The following ANKRD60 variants were observed in gnomAD, a reference collection of about 807,000 sequenced individuals.
ANKRD60 encodes ankyrin repeat domain-containing protein 60.
ANKRD60 carries 24 observed loss-of-function variants against 21.3 expected under a neutral mutation model. That is an observed-to-expected ratio of 1.13 (90% CI 0.82 to 1.59). The LOEUF is 1.59. Ranked by LOEUF, ANKRD60 falls within the 40% of genes most tolerant of loss-of-function variation. The pLI is 0.00. For missense variants in ANKRD60, 490 were observed against 466.7 expected (o/e 1.05, Z -0.46); for synonymous variants, 182 against 199.4 (o/e 0.91, Z 0.74).
exon 4 of ANKRD60, chr20:58,218,699 G>A (rs1318850109): frequency 6.4e-7 from 1 of 1,551,748 alleles, no homozygotes; most frequent in African/African-American, 1.4e-5. Context: ...TGTCGTGGAT[G>A]GAGGCCCCGT....
chr20:58,217,887 G>A (rs888643356), downstream of ANKRD60, among the ~76,000 whole-genome samples: 28 of 152,144 alleles, frequency 1.8e-4, no homozygotes, highest in African/African-American at 6.0e-4. Context: ...TAGCACCAAC[G>A]TGTTACCTTT....
Position 58,228,603 on chromosome 20 carries a change from G to T in ANKRD60, c.51C>A (p.Gly17=), listed in dbSNP as rs1387243973. The T allele has an allele frequency of 1.9e-6, 2 of 1,043,836 alleles. No individual in the cohort carries two copies. Among genetic ancestry groups the T allele is most frequent in the Non-Finnish European group, 2.3e-6 (2 of 865,948 alleles). 64.7% of individuals were successfully genotyped at this position (1,043,836 alleles called of 1,614,324 possible). A position where few individuals can be genotyped will look rare whatever the true frequency, so the allele number is the denominator to read the frequency against. ...CAGTTGGCCCCGCCGCCCGCGCTCC[G>T]CCCGCCCCCGCCGCCGCCCGCCGCA... The change falls in exon 1 of 4, where the codon GGC becomes GGA. Residue 17 remains glycine, a synonymous_variant. Transcript: ENST00000457363. This position sits in a 1 kb window ranked among gnomAD's most constrained non-coding sequence, Gnocchi z 5.3.
chr20:58,221,808 A>G (rs1199321386), intron 2 of ANKRD60, among the ~76,000 whole-genome samples: 1 of 152,156 alleles, frequency 6.6e-6, no homozygotes, highest in Non-Finnish European at 1.5e-5. Context: ...TGTCCACAGG[A>G]AGGTGGTTGA....
rs1472540031 is a variant in ANKRD60 at position 58,218,510 on chromosome 20, C to T, written c.1023G>A (p.Thr341=). 5.2e-6 allele frequency: 8 copies of T among 1,550,812 alleles called. No homozygotes were observed. The Admixed American group carries it at 7.8e-5, about 15-fold the overall frequency. ...CCACCAGGAGCTAATGAGGGGTCAT[C>T]GTCATCTTCTCAGACCTAAACCCAG... The change falls in exon 4 of 4, where the codon ACG becomes ACA. Residue 341 remains threonine, a synonymous_variant. Transcript: ENST00000457363.
chr20:58,218,665 T>C, exon 4 of ANKRD60: 1 of 1,551,748 alleles, frequency 6.4e-7, no homozygotes, highest in Non-Finnish European at 8.7e-7. Context: ...GCAATGGAGA[T>C]GGGGGTCTCC....
exon 4 of ANKRD60, chr20:58,218,778 A>G (rs1984186450): frequency 2.7e-5 from 41 of 1,544,402 alleles, no homozygotes; most frequent in Non-Finnish European, 3.3e-5. Context: ...TGTCCTGCCC[A>G]GGGGGGATCT....
At chr20:58,220,312 T>C (rs552162285) in intron 3 of ANKRD60, among the ~76,000 whole-genome samples, 10 of 152,212 alleles carry the variant, frequency 6.6e-5, no homozygotes, top group Non-Finnish European at 1.3e-4. Context: ...TTAACAGCTG[T>C]TCTCCATTGT....
At chr20:58,223,054 T>C in exon 2 of ANKRD60, 12 of 1,546,268 alleles carry the variant, frequency 7.8e-6, no homozygotes, top group Non-Finnish European at 1.0e-5. Flanking sequence ...GAAAACACCT[T>C]GCTGGGATCC....
intron 1 of ANKRD60, among the ~76,000 whole-genome samples, chr20:58,226,234 A>T (rs144057614): frequency 2.5e-3 from 376 of 152,242 alleles, no homozygotes; most frequent in South Asian, 5.4e-3. Context: ...TGGGGTTCTG[A>T]TTAAAGTAAG....
intron 3 of ANKRD60, 124 bp from the exon 4 acceptor site, chr20:58,218,929 CT>C: frequency 1.2e-6 from 1 of 853,610 alleles, no homozygotes; most frequent in Admixed American, 2.9e-5. Context: ...CAGTACTGCC[CT>C]GCCCCCAGTC....
intron 1 of ANKRD60, among the ~76,000 whole-genome samples, chr20:58,223,709 AC>A (rs774335078): frequency 1.3e-5 from 2 of 152,024 alleles, no homozygotes. Context: ...AGACTGGGTA[AC>A]TCCTTGTGGC....
At chr20:58,217,778 T>A (rs78701100), downstream of ANKRD60, among the ~76,000 whole-genome samples, 18 of 152,126 alleles carry the variant, frequency 1.2e-4, no homozygotes, top group African/African-American at 4.3e-4. Flanking sequence ...AAAGGAGAAC[T>A]CTGGCAAGAG....
chr20:58,221,096 C>T (rs764359841), intron 3 of ANKRD60, among the ~76,000 whole-genome samples: 10 of 152,118 alleles, frequency 6.6e-5, no homozygotes, highest in Non-Finnish European at 1.3e-4. Flanking sequence ...TTCTGCCTCA[C>T]TGAAGCAGAA....
intron 1 of ANKRD60, among the ~76,000 whole-genome samples, chr20:58,226,193 G>A (rs1390656877): frequency 2.0e-5 from 3 of 152,254 alleles, no homozygotes; most frequent in Admixed American, 6.5e-5. Context: ...TTTGAGACTC[G>A]GGTTCCTGTG....
chr20:58,224,692 A>G (rs1454089398), intron 1 of ANKRD60, among the ~76,000 whole-genome samples: 2 of 152,206 alleles, frequency 1.3e-5, no homozygotes, highest in African/African-American at 4.8e-5. Flanking sequence ...TAATTAGTCT[A>G]AGTAAGACAA....
At chr20:58,223,204 C>T (rs749615963) in intron 1 of ANKRD60, 22 bp from the exon 2 acceptor site, 1 of 1,529,996 alleles carries the variant, frequency 6.5e-7, no homozygotes, top group Admixed American at 2.2e-5. Context: ...AATTTTTTTT[C>T]TTTTAAAAAA....
At chr20:58,222,942 C>T (rs1984290387) in intron 2 of ANKRD60, 110 bp downstream of exon 2, 1 of 1,308,380 alleles carries the variant, frequency 7.6e-7, no homozygotes. Context: ...GTTCTCTCTT[C>T]CCTGCTCTGA....
At chr20:58,224,836 TGC>T (rs1342516912) in intron 1 of ANKRD60, among the ~76,000 whole-genome samples, 2 of 152,224 alleles carry the variant, frequency 1.3e-5, no homozygotes, top group Non-Finnish European at 2.9e-5. Context: ...AGGCAGCCAC[TGC>T]CTTGGACTTA....
At chr20:58,222,963 C>A in intron 2 of ANKRD60, 89 bp downstream of exon 2, 1 of 1,403,088 alleles carries the variant, frequency 7.1e-7, no homozygotes, top group South Asian at 1.5e-5. Flanking sequence ...AACTGTTATT[C>A]ACATATCCGT....
Sources: gnomAD v4.1 joint callset for allele counts (sites outside exome capture counted in the v4.1 genomes callset) on GRCh38, gnomAD v4.1.1 for gene constraint, Gnocchi (gnomAD v3.1) non-coding constraint, MANE v1.5 for transcripts, NCBI Gene and HGNC (gene_info 2026-07-23, HGNC 2026-07-21) for gene names.